Variants in PARP9 observed in about 807,000 individuals in gnomAD.
The protein encoded by PARP9 is poly(ADP-ribose) polymerase family member 9, also known as protein mono-ADP-ribosyltransferase PARP9.
In PARP9, 48 loss-of-function variants were observed where a neutral mutation model predicts 68.8. The ratio of observed to expected loss-of-function variants is 0.70; its 90% CI spans 0.55 to 0.89. The LOEUF (loss-of-function observed/expected upper bound fraction) is 0.89. Among genes scored for constraint, PARP9 ranks in the 40% least tolerant of loss-of-function variants. The pLI, the probability that PARP9 is intolerant of heterozygous loss-of-function variation, is 0.00. For synonymous variants in PARP9, 309 were observed against 333.8 expected, an observed-to-expected ratio of 0.93 and a Z score of 0.81; for missense variants, 806 against 969.3, an observed-to-expected ratio of 0.83 and a Z score of 2.24.
At chr3:122,535,699 C>G (rs1408388366) in intron 10 of PARP9, 3 of 989,472 alleles carry the variant, frequency 3.0e-6, no homozygotes, top group Admixed American at 6.0e-5. Flanking sequence ...CAAATGATAC[C>G]TAATTCATTC....
intron 10 of PARP9, chr3:122,535,785 A>G: frequency 9.8e-7 from 1 of 1,023,276 alleles, no homozygotes; most frequent in Non-Finnish European, 1.2e-6. Flanking sequence ...TGCCCTTTTA[A>G]TTAAGGGATG....
upstream of PARP9, chr3:122,564,705 G>A: frequency 4.8e-6 from 7 of 1,455,346 alleles, no homozygotes; most frequent in Non-Finnish European, 6.4e-6. Flanking sequence ...CTAGGGGAGA[G>A]GGCGGGAGAA....
intron 10 of PARP9, chr3:122,534,269 T>C: frequency 1.0e-6 from 1 of 952,620 alleles, no homozygotes; most frequent in Non-Finnish European, 1.2e-6. Context: ...ACAAGCCTGG[T>C]TGCAACAGCC....
chr3:122,543,927 T>A (rs920996165), intron 7 of PARP9, among the ~76,000 whole-genome samples: 1 of 152,282 alleles, frequency 6.6e-6, no homozygotes, highest in African/African-American at 2.4e-5. Context: ...CATCTCCATG[T>A]TAATTATTGT....
At chr3:122,548,267 A>G (rs1007203752) in intron 6 of PARP9, among the ~76,000 whole-genome samples, 3 of 152,242 alleles carry the variant, frequency 2.0e-5, no homozygotes, top group African/African-American at 4.8e-5. Context: ...TCACTTCCAT[A>G]TAGGCAGAGA....
chr3:122,557,654 C>T (rs987855457), intron 3 of PARP9, among the ~76,000 whole-genome samples: 1 of 152,172 alleles, frequency 6.6e-6, no homozygotes, highest in Non-Finnish European at 1.5e-5. Flanking sequence ...CAGAGACTGT[C>T]GGGTTTTTAT....
chr3:122,538,292 A>C (rs1245115116), intron 8 of PARP9, among the ~76,000 whole-genome samples: 2 of 152,228 alleles, frequency 1.3e-5, no homozygotes, highest in African/African-American at 2.4e-5. Flanking sequence ...TGGGCTGGGC[A>C]CTGGGGACCC....
rs2080250949 is a variant in PARP9 at position 122,562,043 on chromosome 3, T to C, written c.-90+2202A>G. 3.9e-5 allele frequency among the ~76,000 whole-genome samples: 6 copies of C among 152,152 alleles called. No homozygotes were observed. The South Asian group carries it at 1.0e-3, about 26-fold the overall frequency. ...CTTTCCCTGAGTCTTTTTTGTCTCA[T>C]ATCTGGGACCTGACAAACTAAATCA... On this transcript the variant is annotated intron_variant, in intron 1 of 10. Coordinates refer to ENST00000682323, the MANE Select transcript of PARP9 (RefSeq NM_001146105.2).
upstream of PARP9, chr3:122,564,413 C>T (rs768832909): frequency 2.0e-5 from 32 of 1,602,206 alleles, 2 homozygotes. Flanking sequence ...CGCGCCCTCC[C>T]GACGCGCAGA....
intron 7 of PARP9, among the ~76,000 whole-genome samples, chr3:122,544,057 T>C (rs1427226957): frequency 6.6e-6 from 1 of 152,198 alleles, no homozygotes; most frequent in Non-Finnish European, 1.5e-5. Context: ...TTTTATGTTA[T>C]CCTCACCTAA....
chr3:122,539,356 G>A lies in PARP9; in HGVS notation c.1765+1116C>T, dbSNP rs547740113. ...CATCACTAATCTGTGTGCTCGTCAA[G>A]GTCCCCCATTAGACTTTGAGCAGGA... On this transcript the variant is annotated intron_variant, in intron 8 of 10. Transcript: ENST00000682323. 3.0e-4 allele frequency among the ~76,000 whole-genome samples: 45 copies of A among 152,200 alleles called. 1 individual carries two copies. The South Asian group carries it at 8.5e-3, about 29-fold the overall frequency.
intron 4 of PARP9, among the ~76,000 whole-genome samples, chr3:122,554,885 A>ATT (rs111889676): frequency 9.7e-5 from 14 of 143,698 alleles, no homozygotes; most frequent in East Asian, 2.0e-4. Flanking sequence ...TGCCCTGATA[A>ATT]TTTTTTTTTT....
intron 10 of PARP9, chr3:122,534,900 A>G: frequency 1.0e-6 from 1 of 961,482 alleles, no homozygotes; most frequent in Non-Finnish European, 1.2e-6. Flanking sequence ...ATAAATAAAG[A>G]GAGAACTGCC....
intron 6 of PARP9, among the ~76,000 whole-genome samples, chr3:122,548,409 C>T (rs779708244): frequency 6.6e-5 from 10 of 152,166 alleles, no homozygotes; most frequent in East Asian, 1.9e-4. Context: ...AGACACATGC[C>T]GAGAAGTCTC....
chr3:122,543,969 G>A (rs935346545), intron 7 of PARP9, among the ~76,000 whole-genome samples: 5 of 152,158 alleles, frequency 3.3e-5, no homozygotes, highest in Non-Finnish European at 5.9e-5. Context: ...ACAGATGTCC[G>A]CAAGAATTAC....
At chr3:122,547,701 G>T (rs571520097) in intron 6 of PARP9, among the ~76,000 whole-genome samples, 4 of 151,800 alleles carry the variant, frequency 2.6e-5, no homozygotes, top group African/African-American at 9.7e-5. Flanking sequence ...AAAAATAAAA[G>T]TATTAGCCAG....
In PARP9 at chr3:122,564,279, G is replaced by T; in HGVS notation, c.-124C>A. On this transcript the variant is annotated 5_prime_UTR_variant, in exon 1 of 11. It adds an upstream start codon to the 5' untranslated region. Coordinates refer to ENST00000682323, the MANE Select transcript of PARP9 (RefSeq NM_001146105.2). ...CGCTCTCCTCGGTGCAGACAGCACA[G>T]GGAGGAGGGGGAAGCGGCTCTGCCG... 1 of 989,524 alleles carries T rather than the reference G, an allele frequency of 1.0e-6. No individual in the cohort carries two copies. The allele number at this position is 989,524 out of a possible 1,614,324, so 61.3% of individuals were successfully genotyped here. A position where few individuals can be genotyped will look rare whatever the true frequency, so the allele number is the denominator to read the frequency against.
At chr3:122,560,450 G>C (rs964181681) in intron 1 of PARP9, among the ~76,000 whole-genome samples, 30 of 152,132 alleles carry the variant, frequency 2.0e-4, no homozygotes, top group Middle Eastern at 3.4e-3. Flanking sequence ...GCAGTGGCTC[G>C]ATCTTGGCTC....
Position 122,528,386 on chromosome 3 carries a change from G to A in PARP9, c.2438C>T (p.Ala813Val), listed in dbSNP as rs1047013487. ...PFAQHPWRGF[A>V]SGSPVD Reference sequence around the variant, plus strand: ...AGATTAATCAACAGGGCTGCCACTTGCGAATCCCCTCCAAGGATGCTGTGC... The same window carrying A: ...AGATTAATCAACAGGGCTGCCACTTACGAATCCCCTCCAAGGATGCTGTGC... Residue 813 changes from alanine to valine, a missense_variant, in exon 11 of 11, where the codon GCA (alanine) becomes GTA (valine). Transcript: ENST00000682323. The A allele has an allele frequency of 1.2e-6, 2 of 1,613,592 alleles. No homozygotes were observed. The highest frequency in any genetic ancestry group is 1.7e-6 in the Non-Finnish European group (2 of 1,179,668).
Sources: allele counts gnomAD v4.1 joint callset (sites outside exome capture counted in the v4.1 genomes callset), GRCh38; gene constraint gnomAD v4.1.1; transcripts MANE v1.5; gene names NCBI Gene and HGNC (gene_info 2026-07-23, HGNC 2026-07-21).